The following GRID2 variants were observed in gnomAD, a reference collection of about 807,000 sequenced individuals.
GRID2 encodes glutamate ionotropic receptor delta type subunit 2.
GRID2 carries 33 observed loss-of-function variants against 114.8 expected under a neutral mutation model. The ratio of observed to expected loss-of-function variants is 0.29; its 90% CI spans 0.22 to 0.38. GRID2 has a LOEUF of 0.38. Among genes scored for constraint, GRID2 ranks in the 10% least tolerant of loss-of-function variants. The pLI is 1.00. For synonymous variants in GRID2, 505 were observed against 449.9 expected (o/e 1.12, Z -1.55); for missense variants, 1,184 against 1,257.7 (o/e 0.94, Z 0.89).
At chr4:93,705,534 G>A (rs1445393822) in intron 14 of GRID2, among the ~76,000 whole-genome samples, 1 of 151,670 alleles carries the variant, frequency 6.6e-6, no homozygotes, top group African/African-American at 2.4e-5. Flanking sequence ...CTGATTAATC[G>A]ATATTTTCCT....
chr4:92,567,794 G>T (rs7682193), intron 1 of GRID2, among the ~76,000 whole-genome samples: 7 of 151,948 alleles, frequency 4.6e-5, no homozygotes, highest in African/African-American at 1.7e-4. Flanking sequence ...TCATATAATC[G>T]TATTTTATCT....
chr4:93,040,177 T>G (rs1312062308), intron 2 of GRID2, among the ~76,000 whole-genome samples: 1 of 152,024 alleles, frequency 6.6e-6, no homozygotes, highest in Non-Finnish European at 1.5e-5. Flanking sequence ...CAATTTCATT[T>G]ACTTTAATAT....
intron 2 of GRID2, among the ~76,000 whole-genome samples, chr4:92,974,130 C>A (rs1478982306): frequency 6.6e-6 from 1 of 152,132 alleles, no homozygotes; most frequent in Non-Finnish European, 1.5e-5. Context: ...ATCAAAACCA[C>A]AATAAGATAC....
chr4:92,850,747 T>C (rs1490806292), intron 2 of GRID2, among the ~76,000 whole-genome samples: 4 of 151,910 alleles, frequency 2.6e-5, no homozygotes, highest in East Asian at 1.9e-4. Flanking sequence ...GTTAAAAAGG[T>C]TGAAATGTAG....
At chr4:92,570,058 C>G (rs1189425717) in intron 1 of GRID2, among the ~76,000 whole-genome samples, 1 of 152,034 alleles carries the variant, frequency 6.6e-6, no homozygotes, top group Admixed American at 6.6e-5. Context: ...AGTGTATTGC[C>G]TAGGTTTTCT....
At chr4:92,600,080 A>G (rs1006250038) in intron 2 of GRID2, among the ~76,000 whole-genome samples, 3 of 135,302 alleles carry the variant, frequency 2.2e-5, no homozygotes, top group African/African-American at 5.7e-5. Context: ...ATATATATAT[A>G]TATATATATT....
At chr4:92,357,870 C>T (rs1351301396) in intron 1 of GRID2, among the ~76,000 whole-genome samples, 2 of 151,774 alleles carry the variant, frequency 1.3e-5, no homozygotes, top group African/African-American at 2.4e-5. Context: ...TCTATTAAGA[C>T]AGGGCTGATC....
chr4:92,445,024 ACAT>A (rs1265393494), intron 1 of GRID2, among the ~76,000 whole-genome samples: 3 of 152,186 alleles, frequency 2.0e-5, no homozygotes, highest in African/African-American at 4.8e-5. Context: ...ACTGTAGCAG[ACAT>A]CATGTATCTG....
chr4:92,607,268 A>G (rs973884944), intron 2 of GRID2, among the ~76,000 whole-genome samples: 1 of 151,850 alleles, frequency 6.6e-6, no homozygotes, highest in African/African-American at 2.4e-5. Flanking sequence ...AATGAAATAA[A>G]CACGAATGTT....
At chr4:93,485,688 T>G (rs556473003) in intron 11 of GRID2, among the ~76,000 whole-genome samples, 1 of 151,896 alleles carries the variant, frequency 6.6e-6, no homozygotes, top group African/African-American at 2.4e-5. Flanking sequence ...CAAGTGCCTA[T>G]GTATGCATGG....
intron 2 of GRID2, among the ~76,000 whole-genome samples, chr4:92,692,862 A>C (rs1734241159): frequency 6.6e-6 from 1 of 151,990 alleles, no homozygotes; most frequent in Non-Finnish European, 1.5e-5. Flanking sequence ...ATCTCTACTA[A>C]AAATACAAAA....
intron 2 of GRID2, among the ~76,000 whole-genome samples, chr4:93,025,928 C>G (rs1027864636): frequency 1.3e-5 from 2 of 151,634 alleles, no homozygotes; most frequent in African/African-American, 4.8e-5. Flanking sequence ...CCAAGTTAAT[C>G]TGGAAAATAT....
At chr4:93,559,524 A>G (rs908502890) in intron 13 of GRID2, among the ~76,000 whole-genome samples, 1 of 152,218 alleles carries the variant, frequency 6.6e-6, no homozygotes, top group African/African-American at 2.4e-5. Flanking sequence ...CAAAACCACA[A>G]TGAGATACCA....
chr4:93,644,614 T>C (rs1168789072), intron 14 of GRID2, among the ~76,000 whole-genome samples: 2 of 152,320 alleles, frequency 1.3e-5, no homozygotes, highest in Middle Eastern at 3.4e-3. Flanking sequence ...TTCTTGGTGC[T>C]AATCAGCATG....
chr4:92,770,062 C>G (rs748272491), intron 2 of GRID2, among the ~76,000 whole-genome samples: 7 of 152,184 alleles, frequency 4.6e-5, no homozygotes, highest in Admixed American at 6.5e-5. Context: ...TCTTATAAAA[C>G]TGAATGCTTT....
chr4:93,681,484 C>A (rs1159811641), intron 14 of GRID2, among the ~76,000 whole-genome samples: 1 of 151,520 alleles, frequency 6.6e-6, no homozygotes, highest in Non-Finnish European at 1.5e-5. Context: ...CAATCCTAAG[C>A]CAAAAGAACA....
At chr4:93,233,667 T>C (rs1343466221) in intron 7 of GRID2, among the ~76,000 whole-genome samples, 3 of 151,914 alleles carry the variant, frequency 2.0e-5, no homozygotes, top group Non-Finnish European at 4.4e-5. Context: ...TTAAACAGGG[T>C]GGTGATAAAA....
chr4:92,846,147 C>T (rs912855535), intron 2 of GRID2, among the ~76,000 whole-genome samples: 1 of 152,042 alleles, frequency 6.6e-6, no homozygotes, highest in South Asian at 2.1e-4. Context: ...GTCTAGCTTT[C>T]GTCTTCATTT....
intron 2 of GRID2, among the ~76,000 whole-genome samples, chr4:92,889,907 C>G (rs1746635498): frequency 6.6e-6 from 1 of 152,030 alleles, no homozygotes; most frequent in Admixed American, 6.6e-5. Flanking sequence ...GGTACTGGTA[C>G]CAAAACAGAC....
Sources: gnomAD v4.1 joint callset for allele counts (sites outside exome capture counted in the v4.1 genomes callset) on GRCh38, gnomAD v4.1.1 for gene constraint, MANE v1.5 for transcripts, NCBI Gene and HGNC (gene_info 2026-07-23, HGNC 2026-07-21) for gene names.